FHOD3: variants seen among roughly 807,000 people sequenced by gnomAD.
FHOD3 encodes the protein FH1/FH2 domain-containing protein 3.
Under a neutral mutation model 173.0 loss-of-function variants are expected in FHOD3, and 90 were observed. That is an observed-to-expected ratio of 0.52 (90% CI 0.44 to 0.62). FHOD3 has a LOEUF of 0.62. Among genes scored for constraint, FHOD3 ranks in the 20% least tolerant of loss-of-function variants. The pLI, the probability that FHOD3 is intolerant of heterozygous loss-of-function variation, is 0.00. For synonymous variants in FHOD3, 828 were observed against 823.0 expected (o/e 1.01, Z -0.10); for missense variants, 1,945 against 2,034.7 (o/e 0.96, Z 0.85).
At position 36,709,433 on chromosome 18, in the gene FHOD3, G is replaced by A. The variant is rs780571872; in HGVS notation, c.2533+42G>A. 4 of 1,579,340 alleles carry A rather than the reference G, an allele frequency of 2.5e-6. No individual in the cohort carries two copies. The Admixed American group carries it at 6.9e-5, about 27-fold the overall frequency. Reference sequence around the variant, plus strand: ...GTTTCAGTCGGCATGTGCCAGGGAGGCCTGGGGTGCAGGGGCTGGTTCTCT... The same window carrying A: ...GTTTCAGTCGGCATGTGCCAGGGAGACCTGGGGTGCAGGGGCTGGTTCTCT... On this transcript the variant is annotated intron_variant, in intron 18 of 28. Coordinates refer to ENST00000590592, the MANE Select transcript of FHOD3 (RefSeq NM_001281740.3).
intron 5 of FHOD3, among the ~76,000 whole-genome samples, chr18:36,554,159 A>G (rs2057776797): frequency 6.6e-6 from 1 of 152,156 alleles, no homozygotes; most frequent in African/African-American, 2.4e-5. Context: ...AGGACTATAA[A>G]TCATGCTGCT....
At chr18:36,439,353 T>C (rs1004611355) in intron 3 of FHOD3, among the ~76,000 whole-genome samples, 1 of 152,200 alleles carries the variant, frequency 6.6e-6, no homozygotes, top group African/African-American at 2.4e-5. Flanking sequence ...TCCAGGTATG[T>C]TGTCAGAACT....
intron 3 of FHOD3, among the ~76,000 whole-genome samples, chr18:36,453,205 G>A (rs190581128): frequency 3.8e-4 from 58 of 152,194 alleles, no homozygotes; most frequent in African/African-American, 1.4e-3. Context: ...TTTTGTGTCT[G>A]GTCAGTTGCC....
chr18:36,591,163 G>T (rs748881372), intron 6 of FHOD3, among the ~76,000 whole-genome samples: 1 of 152,142 alleles, frequency 6.6e-6, no homozygotes, highest in Admixed American at 6.5e-5. Context: ...ACCTCCAACC[G>T]TGTAGTTGAG....
Position 36,744,184 on chromosome 18 carries a change from G to T in FHOD3, c.4032G>T (p.Arg1344Ser), listed in dbSNP as rs2042039772. 6.2e-7 allele frequency: 1 copy of T among 1,613,362 alleles called. No homozygotes were observed. The highest frequency in any genetic ancestry group is 1.7e-5 in the Admixed American group (1 of 59,902). The part of the protein sequence containing the change: ...DLYSEIGAIT[R>S]SAKVDFDQLQ... ...ACTCGGAGATCGGGGCCATCACCAG[G>T]TCAGCCAAGGTATGTCTGTGGACGC... Residue 1344 changes from arginine (R) to serine (S), a missense_variant, in exon 23 of 29, where the codon AGG becomes AGT. Arg to Ser is a moderately radical substitution (Grantham distance 110). Around this residue, in one of 5 missense-constraint regions of FHOD3, gnomAD observed 231 missense variants for 321.9 expected, o/e 0.72. Coordinates refer to ENST00000590592, the MANE Select transcript of FHOD3 (RefSeq NM_001281740.3).
chr18:36,476,914 C>T (rs943018197), intron 3 of FHOD3, among the ~76,000 whole-genome samples: 1 of 152,190 alleles, frequency 6.6e-6, no homozygotes, highest in Non-Finnish European at 1.5e-5. Flanking sequence ...GGATGAAGAT[C>T]TTGTCAGAAA....
chr18:36,524,188 A>G (rs2056405596), intron 5 of FHOD3, among the ~76,000 whole-genome samples: 1 of 151,882 alleles, frequency 6.6e-6, no homozygotes, highest in Admixed American at 6.6e-5. Flanking sequence ...AGGCTGAGGC[A>G]GGAGAATCGC....
intron 3 of FHOD3, among the ~76,000 whole-genome samples, chr18:36,493,857 A>G (rs1568345397): frequency 6.6e-6 from 1 of 152,196 alleles, no homozygotes; most frequent in African/African-American, 2.4e-5. Context: ...AGCAGAGGAG[A>G]GGCTCTGGGG....
intron 27 of FHOD3, among the ~76,000 whole-genome samples, chr18:36,761,873 G>A (rs934590920): frequency 8.5e-5 from 13 of 152,248 alleles, no homozygotes; most frequent in Middle Eastern, 3.4e-3. Flanking sequence ...GTGAAAGGGG[G>A]TGCTAGTAGT....
chr18:36,359,438 G>A (rs2145833933), intron 2 of FHOD3, among the ~76,000 whole-genome samples: 1 of 152,298 alleles, frequency 6.6e-6, no homozygotes, highest in Admixed American at 6.5e-5. Flanking sequence ...ACCTTCTGAG[G>A]CCAGGGAAAT....
chr18:36,772,483 G>A (rs1291950168), intron 28 of FHOD3, among the ~76,000 whole-genome samples: 1 of 152,218 alleles, frequency 6.6e-6, no homozygotes, highest in African/African-American at 2.4e-5. Flanking sequence ...TAACTCATTT[G>A]GCTAAAGACA....
At chr18:36,406,102 TG>T (rs377473979) in intron 3 of FHOD3, among the ~76,000 whole-genome samples, 127 of 151,374 alleles carry the variant, frequency 8.4e-4, no homozygotes, top group African/African-American at 2.3e-3. Context: ...TTTGTTTTTT[TG>T]TTTTTGTTTT....
intron 8 of FHOD3, among the ~76,000 whole-genome samples, chr18:36,603,497 T>C (rs2031670803): frequency 6.6e-6 from 1 of 151,010 alleles, no homozygotes; most frequent in South Asian, 2.1e-4. Flanking sequence ...ATAATAATAA[T>C]AATAATATAT....
chr18:36,333,569 C>G (rs571657690), intron 1 of FHOD3, among the ~76,000 whole-genome samples: 6 of 152,358 alleles, frequency 3.9e-5, no homozygotes, highest in Admixed American at 3.3e-4. Flanking sequence ...CAGTCCACCA[C>G]GTTTACACAA....
chr18:36,667,302 C>A (rs576174156), intron 14 of FHOD3, among the ~76,000 whole-genome samples: 5 of 152,098 alleles, frequency 3.3e-5, no homozygotes, highest in Admixed American at 3.3e-4. Context: ...AGGGACTATT[C>A]TGAACAATTA....
intron 18 of FHOD3, among the ~76,000 whole-genome samples, chr18:36,711,775 TA>T (rs1225632507): frequency 6.6e-6 from 1 of 152,168 alleles, no homozygotes; most frequent in Non-Finnish European, 1.5e-5. Context: ...AAGCTCCAAG[TA>T]AAACTTATTC....
intron 5 of FHOD3, 82 bp downstream of exon 5, chr18:36,512,625 G>A (rs1388009121): frequency 2.4e-5 from 24 of 1,003,826 alleles, no homozygotes; most frequent in Non-Finnish European, 3.7e-5. Context: ...ACTACTGAGA[G>A]CTTTTTAAAA....
chr18:36,416,301 G>A (rs541882919), intron 3 of FHOD3, among the ~76,000 whole-genome samples: 105 of 152,310 alleles, frequency 6.9e-4, no homozygotes, highest in Non-Finnish European at 8.4e-4. Context: ...CCAAAGTGCT[G>A]GGATTACAGG....
chr18:36,751,059 A>ACTG (rs1422950284), intron 24 of FHOD3, among the ~76,000 whole-genome samples: 2 of 152,130 alleles, frequency 1.3e-5, no homozygotes, highest in African/African-American at 4.8e-5. Flanking sequence ...GAATCTGTAA[A>ACTG]CTGCTTTGGG....
Sources: gnomAD v4.1 joint callset for allele counts (sites outside exome capture counted in the v4.1 genomes callset) on GRCh38, gnomAD v4.1.1 for gene constraint, gnomAD v4.1.1 regional missense constraint, MANE v1.5 for transcripts, NCBI Gene and HGNC (gene_info 2026-07-23, HGNC 2026-07-21) for gene names.